The following TMCO4 variants were observed in gnomAD, a reference collection of about 807,000 sequenced individuals.
TMCO4 encodes transmembrane and coiled-coil domains 4.
In TMCO4, 58 loss-of-function variants were observed where a neutral mutation model predicts 64.7. The observed-to-expected ratio is 0.90, with a 90% CI of 0.73 to 1.12. TMCO4 has a LOEUF of 1.12. TMCO4 is among the 50% of genes most tolerant of loss of function. The pLI is 0.00. For synonymous variants in TMCO4, 325 were observed against 346.1 expected (o/e 0.94, Z 0.68); for missense variants, 780 against 825.9 (o/e 0.94, Z 0.68).
intron 6 of TMCO4, among the ~76,000 whole-genome samples, chr1:19,758,745 C>A (rs1034864424): frequency 6.6e-6 from 1 of 152,172 alleles, no homozygotes; most frequent in Non-Finnish European, 1.5e-5. Flanking sequence ...CTGGCCCAGG[C>A]TCTACTGCCA....
chr1:19,766,387 A>G (rs2042737442), intron 6 of TMCO4, among the ~76,000 whole-genome samples: 1 of 152,296 alleles, frequency 6.6e-6, no homozygotes, highest in South Asian at 2.1e-4. Context: ...AACCCAAGAC[A>G]GTTTTTAAAA....
chr1:19,692,017 G>A (rs569655941), intron 15 of TMCO4, among the ~76,000 whole-genome samples: 1 of 152,194 alleles, frequency 6.6e-6, no homozygotes, highest in Non-Finnish European at 1.5e-5. Flanking sequence ...CCCCAGCCAC[G>A]TGAAATTGAG....
chr1:19,706,656 TA>T (rs2095304736), intron 13 of TMCO4, among the ~76,000 whole-genome samples: 1 of 152,206 alleles, frequency 6.6e-6, no homozygotes, highest in Admixed American at 6.6e-5. Context: ...TTCATCCTAT[TA>T]TAACTTTGGC....
rs781038709 is a variant in TMCO4 at position 19,755,769 on chromosome 1, C to T, written c.383-3G>A. ...TCTGGCCCGGGCGTCATAGTGCCCT[C>T]GAAAGACAGAAACAACACCGGAAAA... On this transcript the variant is annotated splice_region_variant and splice_polypyrimidine_tract_variant and intron_variant, in intron 6 of 15. Coordinates refer to ENST00000294543, the MANE Select transcript of TMCO4 (RefSeq NM_181719.7). 1.2e-5 allele frequency: 20 copies of T among 1,613,590 alleles called. No individual in the cohort carries two copies. Among genetic ancestry groups the T allele is most frequent in the East Asian group, 4.5e-5 (2 of 44,876 alleles).
chr1:19,722,080 T>A (rs753536486), intron 13 of TMCO4, among the ~76,000 whole-genome samples: 1 of 152,170 alleles, frequency 6.6e-6, no homozygotes, highest in African/African-American at 2.4e-5. Flanking sequence ...CTTCGCAGAG[T>A]AGTCCGTTTC....
At chr1:19,686,042 T>G (rs563358598) in intron 15 of TMCO4, among the ~76,000 whole-genome samples, 12 of 152,308 alleles carry the variant, frequency 7.9e-5, no homozygotes, top group African/African-American at 2.9e-4. Context: ...GGCCTGTTTC[T>G]AAAGCCTGTT....
intron 2 of TMCO4, among the ~76,000 whole-genome samples, chr1:19,788,787 A>G (rs572474932): frequency 6.6e-6 from 1 of 152,346 alleles, no homozygotes; most frequent in East Asian, 1.9e-4. Flanking sequence ...TTTTTAAAAC[A>G]TGTTTCGGCT....
chr1:19,790,740 G>A (rs1022472666), intron 2 of TMCO4, among the ~76,000 whole-genome samples: 1 of 152,222 alleles, frequency 6.6e-6, no homozygotes, highest in African/African-American at 2.4e-5. Context: ...CATTGTCGAA[G>A]ACGGTGTGGC....
intron 13 of TMCO4, among the ~76,000 whole-genome samples, chr1:19,724,046 C>G (rs143750761): frequency 6.6e-6 from 1 of 152,038 alleles, no homozygotes; most frequent in South Asian, 2.1e-4. Flanking sequence ...GAAAGGCAGT[C>G]GGCAGGCTAA....
At chr1:19,733,559 G>A (rs920773589) in intron 13 of TMCO4, among the ~76,000 whole-genome samples, 2 of 152,190 alleles carry the variant, frequency 1.3e-5, no homozygotes, top group African/African-American at 4.8e-5. Context: ...GCGTGGGCTG[G>A]GCTGCACACC....
Position 19,739,928 on chromosome 1 carries a change from G to T in TMCO4, c.1075C>A (p.Leu359Ile). 4.3e-6 allele frequency: 7 copies of T among 1,613,926 alleles called. No individual in the cohort carries two copies. Among genetic ancestry groups the T allele is most frequent in the Non-Finnish European group, 5.9e-6 (7 of 1,179,952 alleles). ...IVAALTWPASLLSVANVIDNP... is the reference protein window; with the variant it reads ...IVAALTWPASILSVANVIDNP... ...TCGATGACATTGGCGACACTGAGGAGTGAGGCTGGCCAGGTCAGGGCAGCC... is the reference window on the plus strand; with the variant it reads ...TCGATGACATTGGCGACACTGAGGATTGAGGCTGGCCAGGTCAGGGCAGCC... Residue 359 changes from leucine to isoleucine, a missense_variant, in exon 12 of 16, where the codon CTC becomes ATC. Physicochemically the swap from Leu to Ile is conservative, Grantham distance 5. Coordinates refer to ENST00000294543, the MANE Select transcript of TMCO4 (RefSeq NM_181719.7).
intron 15 of TMCO4, among the ~76,000 whole-genome samples, chr1:19,685,710 C>CTTTCTTTT (rs1477655913): frequency 4.7e-5 from 5 of 106,614 alleles, no homozygotes; most frequent in African/African-American, 1.6e-4. Context: ...AGGCCTGTTT[C>CTTTCTTTT]TTTTTTTTTT....
At chr1:19,784,776 C>T (rs1004138020) in intron 3 of TMCO4, among the ~76,000 whole-genome samples, 9 of 34,284 alleles carry the variant, frequency 2.6e-4, no homozygotes, top group Middle Eastern at 0.023. Flanking sequence ...CTTCCCTGGG[C>T]TACACTGGAA....
chr1:19,697,109 AGCGCCTGT>A (rs2095241932), intron 14 of TMCO4, among the ~76,000 whole-genome samples: 1 of 152,156 alleles, frequency 6.6e-6, no homozygotes, highest in Admixed American at 6.5e-5. Context: ...CATGACTATT[AGCGCCTGT>A]GCTGGACGTG....
intron 15 of TMCO4, among the ~76,000 whole-genome samples, chr1:19,693,911 G>A (rs943016968): frequency 6.6e-6 from 1 of 152,198 alleles, no homozygotes; most frequent in Admixed American, 6.5e-5. Flanking sequence ...GGACTCGGGA[G>A]TGGGGAACGG....
intron 13 of TMCO4, among the ~76,000 whole-genome samples, chr1:19,729,552 G>T (rs1387221312): frequency 6.6e-6 from 1 of 151,812 alleles, no homozygotes; most frequent in Non-Finnish European, 1.5e-5. Context: ...GATCACCTGA[G>T]GTCAGGAGTT....
intron 4 of TMCO4, among the ~76,000 whole-genome samples, chr1:19,773,496 C>G (rs2043076491): frequency 6.6e-6 from 1 of 152,174 alleles, no homozygotes; most frequent in African/African-American, 2.4e-5. Flanking sequence ...GCAGGTGCCC[C>G]AGGGAGGGGA....
intron 4 of TMCO4, among the ~76,000 whole-genome samples, chr1:19,775,607 C>G (rs906095008): frequency 7.2e-5 from 11 of 152,226 alleles, no homozygotes; most frequent in African/African-American, 2.7e-4. Flanking sequence ...TGCTTTTGTG[C>G]TATCACGGGA....
chr1:19,700,918 T>C (rs1353487374), intron 13 of TMCO4, 33 bp from the exon 14 acceptor site: 2 of 1,592,840 alleles, frequency 1.3e-6, no homozygotes, highest in Middle Eastern at 1.7e-4. Flanking sequence ...GCCGTCAGTG[T>C]CCCTGGCCAC....
Sources: allele counts gnomAD v4.1 joint callset (sites outside exome capture counted in the v4.1 genomes callset), GRCh38; gene constraint gnomAD v4.1.1; transcripts MANE v1.5; gene names NCBI Gene and HGNC (gene_info 2026-07-23, HGNC 2026-07-21).